TET3: variants seen among roughly 807,000 people sequenced by gnomAD.
TET3 encodes the protein tet methylcytosine dioxygenase 3.
Under a neutral mutation model 141.4 loss-of-function variants are expected in TET3, and 19 were observed. The observed-to-expected ratio is 0.13, with a 90% CI of 0.09 to 0.20. The LOEUF (loss-of-function observed/expected upper bound fraction) is 0.20, where lower values mean the gene tolerates loss of function less well. TET3 is among the 10% of genes least tolerant of loss of function. TET3 has a pLI of 1.00. For synonymous variants in TET3, 1,043 were observed against 980.9 expected, an observed-to-expected ratio of 1.06 and a Z score of -1.18; for missense variants, 1,874 against 2,356.9, an observed-to-expected ratio of 0.80 and a Z score of 4.24.
intron 8 of TET3, among the ~76,000 whole-genome samples, 155 bp from the exon 9 acceptor site, chr2:74,092,747 A>G (rs561565562): frequency 8.5e-5 from 13 of 152,280 alleles, no homozygotes; most frequent in African/African-American, 2.9e-4. Context: ...TGGACACAGC[A>G]CCACAGCCCT....
chr2:74,018,674 A>C (rs921890687), intron 3 of TET3, among the ~76,000 whole-genome samples: 2 of 149,892 alleles, frequency 1.3e-5, no homozygotes, highest in Admixed American at 6.6e-5. Context: ...TATTTGTCTG[A>C]TTCTGTGTAT....
chr2:74,000,263 A>G (rs1389626511), intron 2 of TET3, among the ~76,000 whole-genome samples: 1 of 151,990 alleles, frequency 6.6e-6, no homozygotes, highest in East Asian at 1.9e-4. Context: ...CTGCCTCTCC[A>G]CCCTCCTTGT....
chr2:74,117,991 A>G, the TET3 span, among the ~76,000 whole-genome samples: 1 of 152,116 alleles, frequency 6.6e-6, no homozygotes, highest in South Asian at 2.1e-4. Flanking sequence ...TGATCCACCC[A>G]CCTCAGTCTC....
At chr2:74,070,763 C>T (rs140053305) in intron 4 of TET3, among the ~76,000 whole-genome samples, 176 of 152,156 alleles carry the variant, frequency 1.2e-3, no homozygotes, top group Middle Eastern at 6.8e-3. Flanking sequence ...AGATTGAGCC[C>T]GGGAGTTGGA....
intron 2 of TET3, among the ~76,000 whole-genome samples, chr2:73,987,590 G>A (rs1405377001): frequency 2.6e-5 from 4 of 152,228 alleles, no homozygotes; most frequent in Non-Finnish European, 5.9e-5. Flanking sequence ...CAGCTTAGGA[G>A]GAGCGGTGTA....
chr2:74,047,506 A>G lies in TET3; in HGVS notation c.1589A>G (p.Gln530Arg), dbSNP rs1468738406. Residue 530 changes from glutamine (Q) to arginine (R), a missense_variant, in exon 4 of 12, where the codon CAG becomes CGG. Gln to Arg is a conservative substitution (Grantham distance 43). Coordinates refer to ENST00000409262, the MANE Select transcript of TET3 (RefSeq NM_001287491.2). The stretch of plus-strand genomic sequence containing the variant: ...CAGAAGGCCCAGACCGCCCTGCAGC[A>G]GCACCTCCACCACAAGCGCAGCCTC... Reference protein sequence around the residue: ...THQKAQTALQQHLHHKRSLFL... With the variant: ...THQKAQTALQRHLHHKRSLFL... 9.9e-6 allele frequency: 16 copies of G among 1,613,002 alleles called. No homozygotes were observed. The highest frequency in any genetic ancestry group is 1.3e-5 in the Non-Finnish European group (15 of 1,179,868).
intron 4 of TET3, among the ~76,000 whole-genome samples, chr2:74,061,909 C>T (rs923412518): frequency 3.3e-5 from 5 of 150,996 alleles, no homozygotes; most frequent in African/African-American, 9.8e-5. Context: ...GGATGGCGGC[C>T]GGGCAGAGAT....
chr2:74,093,753 G>T lies in TET3; in HGVS notation c.3267+87G>T, dbSNP rs1201273356. The T allele has an allele frequency of 6.3e-6, 9 of 1,432,352 alleles. No homozygotes were observed. The African/African-American group carries it at 1.1e-4, about 18-fold the overall frequency. The allele number at this position is 1,432,352 out of a possible 1,614,324, so 88.7% of individuals were successfully genotyped here. Reference sequence around the variant, plus strand: ...GTCTTTTCAGAAAGGCAGGCTGAGGGTAGGGAGGGACCTGGAGACAGGATC... The same window carrying T: ...GTCTTTTCAGAAAGGCAGGCTGAGGTTAGGGAGGGACCTGGAGACAGGATC... On this transcript the variant is annotated intron_variant, in intron 10 of 11. Coordinates refer to ENST00000409262, the MANE Select transcript of TET3 (RefSeq NM_001287491.2). The surrounding 1 kb of genome is among the most constrained non-coding windows in gnomAD (Gnocchi z 4.2).
intron 4 of TET3, among the ~76,000 whole-genome samples, chr2:74,068,286 C>A (rs952013392): frequency 1.8e-4 from 27 of 151,970 alleles, no homozygotes; most frequent in Middle Eastern, 3.4e-3. Context: ...TATGTATATA[C>A]CTTTATGCTT....
chr2:74,112,255 C>G (rs570508560), downstream of TET3, among the ~76,000 whole-genome samples: 237 of 152,120 alleles, frequency 1.6e-3, no homozygotes, highest in Non-Finnish European at 2.5e-3. Context: ...TGTCTTTTAT[C>G]TGATTATCTC....
the TET3 span, chr2:74,134,783 C>T: frequency 1.3e-5 from 6 of 456,594 alleles, no homozygotes; most frequent in African/African-American, 2.0e-5. Flanking sequence ...ACCGTGACCA[C>T]CACCATGGAC....
intron 2 of TET3, among the ~76,000 whole-genome samples, chr2:73,991,805 C>CAAAAAAAAAAAAAA (rs772400180): frequency 1.3e-5 from 1 of 79,624 alleles, no homozygotes; most frequent in African/African-American, 4.7e-5. Context: ...AACTCTGTCT[C>CAAAAAAAAAAAAAA]AAAAAAAAAA....
intron 3 of TET3, among the ~76,000 whole-genome samples, chr2:74,043,015 A>G (rs1687426424): frequency 6.6e-6 from 1 of 152,172 alleles, no homozygotes; most frequent in South Asian, 2.1e-4. Context: ...TTATTCACAC[A>G]CCAAAAATAA....
chr2:74,133,072 ATTTT>A, the TET3 span, among the ~76,000 whole-genome samples: 7 of 105,126 alleles, frequency 6.7e-5, no homozygotes, highest in Admixed American at 2.7e-4. Context: ...TAATTTTTGT[ATTTT>A]TTTTTTTTTT....
At chr2:74,080,694 G>T (rs572120255) in intron 6 of TET3, 103 bp downstream of exon 6, 239 of 436,194 alleles carry the variant, frequency 5.5e-4, no homozygotes, top group African/African-American at 4.7e-3. Context: ...CTGAGCAGGC[G>T]AGGGCGGGGG....
upstream of TET3, among the ~76,000 whole-genome samples, chr2:73,984,132 GTCC>G (rs1683878742): frequency 1.3e-5 from 2 of 152,252 alleles, no homozygotes; most frequent in Non-Finnish European, 2.9e-5. This position sits in a 1 kb window ranked among gnomAD's most constrained non-coding sequence, Gnocchi z 5.6. Context: ...CCTCGAGGCT[GTCC>G]GAGGCCCTCC....
At chr2:74,041,712 G>A (rs1417507031) in intron 3 of TET3, among the ~76,000 whole-genome samples, 1 of 152,156 alleles carries the variant, frequency 6.6e-6, no homozygotes, top group African/African-American at 2.4e-5. Flanking sequence ...GAAAAAAACT[G>A]GGTTATAAGA....
chr2:73,986,767 T>C, intron 2 of TET3, 61 bp downstream of exon 2: 1 of 1,223,058 alleles, frequency 8.2e-7, no homozygotes, highest in Non-Finnish European at 1.0e-6. Context: ...ATCACGGGGG[T>C]CTTGTTCAAG....
In TET3 at chr2:74,104,982, G is replaced by T. The variant is rs1196165399; in HGVS notation, c.*2806G>T. 1 of 395,272 alleles carries T rather than the reference G, an allele frequency of 2.5e-6. No individual in the cohort carries two copies. Among genetic ancestry groups the T allele is most frequent in the Non-Finnish European group, 4.5e-6 (1 of 224,566 alleles). The allele number at this position is 395,272 out of a possible 1,614,324, so 24.5% of individuals were successfully genotyped here. Reference sequence around the variant, plus strand: ...CATGTCTAACCTACCTCAAATCTCAGTCATTAAAATTAGCATGCTTTAGAC... The same window carrying T: ...CATGTCTAACCTACCTCAAATCTCATTCATTAAAATTAGCATGCTTTAGAC... On this transcript the variant is annotated 3_prime_UTR_variant, in exon 12 of 12. Transcript: ENST00000409262.
Sources: allele counts gnomAD v4.1 joint callset (sites outside exome capture counted in the v4.1 genomes callset), GRCh38; gene constraint gnomAD v4.1.1; non-coding constraint Gnocchi (gnomAD v3.1); transcripts MANE v1.5; gene names NCBI Gene and HGNC (gene_info 2026-07-23, HGNC 2026-07-21).